The following RNPS1 variants were observed in gnomAD, a reference collection of about 807,000 sequenced individuals.
RNPS1 encodes RNA binding protein with serine rich domain 1.
For missense variants in RNPS1, 300 were observed against 427.6 expected (o/e 0.70, Z 2.63); for synonymous variants, 147 against 150.0 (o/e 0.98, Z 0.15).
chr16:2,254,019 C>T lies in RNPS1; in HGVS notation c.863G>A (p.Arg288Gln), dbSNP rs1411816276. 1 of 1,522,730 alleles carries T rather than the reference C, an allele frequency of 6.6e-7. No homozygotes were observed. Among genetic ancestry groups the T allele is most frequent in the Non-Finnish European group, 8.8e-7 (1 of 1,132,542 alleles). The allele number at this position is 1,522,730 out of a possible 1,614,324, so 94.3% of individuals were successfully genotyped here. The change falls in exon 8 of 8, where the codon CGG becomes CAG. Residue 288 changes from arginine (R) to glutamine (Q), a missense_variant. By Grantham distance (43) the Arg-to-Gln change is conservative (BLOSUM62 1). Coordinates refer to ENST00000320225, the MANE Select transcript of RNPS1 (RefSeq NM_080594.4). ...RRRSPVRRRS[R>Q]SPGRRRHRSR... ...CCTGTGGCGGCGGCGGCCCGGGGAC[C>T]GTGATCTCCGGCGCACGGGGGACCT... is the stretch of plus-strand genomic sequence containing the variant.
At chr16:2,255,879 G>C (rs2093576057) in intron 6 of RNPS1, 153 bp from the exon 7 acceptor site, 5 of 791,506 alleles carry the variant, frequency 6.3e-6, no homozygotes. Flanking sequence ...TGTAATCCCA[G>C]CACTTTGGGA....
chr16:2,266,389 C>CA, intron 1 of RNPS1: 1 of 985,360 alleles, frequency 1.0e-6, no homozygotes, highest in Non-Finnish European at 1.2e-6. Flanking sequence ...CTCGGACAAT[C>CA]AGTGAGTATC....
chr16:2,254,126 C>T (rs1173793663), intron 7 of RNPS1, 63 bp from the exon 8 acceptor site: 24 of 1,176,884 alleles, frequency 2.0e-5, no homozygotes, highest in Non-Finnish European at 2.2e-5. Flanking sequence ...TAGCTTCTTT[C>T]TGGGCAATTC....
At chr16:2,256,745 T>A (rs1010075487) in intron 6 of RNPS1, 1 of 152,274 alleles carries the variant, frequency 6.6e-6, no homozygotes, top group Non-Finnish European at 1.5e-5. Context: ...GCAGGCAGTA[T>A]CCGCGTTTGC....
rs759701086 is a variant in RNPS1 at position 2,255,702 on chromosome 16, G to A, written c.701C>T (p.Thr234Ile). The stretch of plus-strand genomic sequence containing the variant: ...CCAGGGGGCCAGCACGGCGGTGGCA[G>A]TGATCTCCTGGCCATCAATTTGTCC... ...DGGQIDGQEI[T>I]ATAVLAPWPR... Residue 234 changes from threonine to isoleucine, a missense_variant, in exon 7 of 8, where the codon ACT becomes ATT. Thr to Ile is a moderately conservative substitution (Grantham distance 89). Transcript: ENST00000320225. 1 of 1,613,888 alleles carries A rather than the reference G, an allele frequency of 6.2e-7. No individual in the cohort carries two copies. Among genetic ancestry groups the A allele is most frequent in the Admixed American group, 1.7e-5 (1 of 60,018 alleles).
chr16:2,266,063 G>A, intron 1 of RNPS1: 4 of 964,604 alleles, frequency 4.1e-6, no homozygotes, highest in Non-Finnish European at 4.9e-6. Flanking sequence ...TGCAGGAGTT[G>A]TTAAGTGAAG....
At chr16:2,266,358 T>TGC (rs1158234571) in intron 1 of RNPS1, 1 of 985,292 alleles carries the variant, frequency 1.0e-6, no homozygotes, top group South Asian at 4.7e-5. Context: ...CAGCAGATAG[T>TGC]GCCTCGACAC....
At chr16:2,255,462 C>G in intron 7 of RNPS1, 123 bp downstream of exon 7, 1 of 1,188,974 alleles carries the variant, frequency 8.4e-7, no homozygotes, top group Non-Finnish European at 1.2e-6. Context: ...CTGAAGGGCT[C>G]CTGCTCTCTG....
At chr16:2,255,969 CAATA>C (rs2093576489) in intron 6 of RNPS1, 1 of 486,506 alleles carries the variant, frequency 2.1e-6, no homozygotes, top group Non-Finnish European at 3.7e-6. Context: ...ACTAAAAAGA[CAATA>C]AATCAGCTGT....
Position 2,255,742 on chromosome 16 carries a change from G to A in RNPS1, c.677-16C>T. The A allele has an allele frequency of 1.2e-6, 2 of 1,612,914 alleles. No homozygotes were observed. Among genetic ancestry groups the A allele is most frequent in the African/African-American group, 2.7e-5 (2 of 75,050 alleles). Reference sequence around the variant, plus strand: ...TCAATTTGTCCTGTTGAAAAAGACAGCAAGTCATAAAATATCTAACAAGCA... The same window carrying A: ...TCAATTTGTCCTGTTGAAAAAGACAACAAGTCATAAAATATCTAACAAGCA... On this transcript the variant is annotated splice_polypyrimidine_tract_variant and intron_variant, in intron 6 of 7. Coordinates refer to ENST00000320225, the MANE Select transcript of RNPS1 (RefSeq NM_080594.4).
At chr16:2,268,011 C>A (rs1268323920) in intron 1 of RNPS1, 44 bp downstream of exon 1, 3 of 1,533,632 alleles carry the variant, frequency 2.0e-6, no homozygotes, top group East Asian at 2.4e-5. Context: ...GCCTGCCGGG[C>A]AGCCCCCGAA....
Position 2,268,113 on chromosome 16 carries a change from CT to C in RNPS1, c.-177del, listed in dbSNP as rs1257220120. The C allele has an allele frequency of 6.5e-6, 10 of 1,534,794 alleles. No homozygotes were observed. In the East Asian group the frequency reaches 9.8e-5, roughly 15 times the overall value. ...CTCAGCCGCCGAGGCCGGCGCCGCT[CT>C]GACGTCAGAGTCAAGGAGCGGGAAG... On this transcript the variant is annotated 5_prime_UTR_variant, in exon 1 of 8. Coordinates refer to ENST00000320225, the MANE Select transcript of RNPS1 (RefSeq NM_080594.4).
chr16:2,261,936 T>C (rs376709451), intron 6 of RNPS1, among the ~76,000 whole-genome samples: 2 of 152,240 alleles, frequency 1.3e-5, no homozygotes, highest in East Asian at 1.9e-4. Context: ...TTTACATAAA[T>C]GTACACATAT....
intron 2 of RNPS1, 97 bp downstream of exon 2, chr16:2,264,476 C>T: frequency 1.3e-6 from 2 of 1,525,898 alleles, no homozygotes; most frequent in Non-Finnish European, 9.1e-7. Context: ...AGAACACTCA[C>T]TGTAGAATGC....
Position 2,254,012 on chromosome 16 carries a change from C to G in RNPS1, c.870G>C (p.Pro290=). ...AGCGGCTCCTGTGGCGGCGGCGGCC[C>G]GGGGACCGTGATCTCCGGCGCACGG... ...RSPVRRRSRS[P]GRRRHRSRSS... The change falls in exon 8 of 8, where the codon CCG becomes CCC. Residue 290 remains proline (P), a synonymous_variant. Coordinates refer to ENST00000320225, the MANE Select transcript of RNPS1 (RefSeq NM_080594.4). The G allele has an allele frequency of 1.3e-6, 2 of 1,528,228 alleles. No homozygotes were observed. Among genetic ancestry groups the G allele is most frequent in the Non-Finnish European group, 1.8e-6 (2 of 1,135,556 alleles). The allele number at this position is 1,528,228 out of a possible 1,614,324, so 94.7% of individuals were successfully genotyped here. A position where few individuals can be genotyped will look rare whatever the true frequency, so the allele number is the denominator to read the frequency against.
intron 1 of RNPS1, chr16:2,267,778 G>GGC: frequency 7.2e-7 from 1 of 1,382,436 alleles, no homozygotes; most frequent in Non-Finnish European, 9.3e-7. Context: ...GCTCCCCGCT[G>GGC]GTCTGAGTCC....
At chr16:2,260,523 T>G (rs959663521) in intron 6 of RNPS1, among the ~76,000 whole-genome samples, 3 of 152,278 alleles carry the variant, frequency 2.0e-5, no homozygotes, top group Admixed American at 6.5e-5. Context: ...CTATTTTGTG[T>G]ACACAGTCCC....
rs1596819348 is a variant in RNPS1 at position 2,267,940 on chromosome 16, C to T, written c.-118+115G>A. 6.5e-6 allele frequency: 10 copies of T among 1,528,784 alleles called. No homozygotes were observed. The East Asian group carries it at 1.5e-4, about 23-fold the overall frequency. 94.7% of individuals were successfully genotyped at this position (1,528,784 alleles called of 1,614,324 possible). ...TCTTCTCGGAGCCCGCACCGCGCTG[C>T]CAGGCCACCGCCGCACTGCGGGGCT... On this transcript the variant is annotated intron_variant, in intron 1 of 7. Coordinates refer to ENST00000320225, the MANE Select transcript of RNPS1 (RefSeq NM_080594.4).
chr16:2,255,843 C>T (rs2093575814), intron 6 of RNPS1, 117 bp from the exon 7 acceptor site: 1 of 1,169,756 alleles, frequency 8.5e-7, no homozygotes, highest in South Asian at 1.4e-5. Context: ...ATCACAGAAA[C>T]AGGGCCGGGC....
Sources: allele counts gnomAD v4.1 joint callset (sites outside exome capture counted in the v4.1 genomes callset), GRCh38; gene constraint gnomAD v4.1.1; transcripts MANE v1.5; gene names NCBI Gene and HGNC (gene_info 2026-07-23, HGNC 2026-07-21).